RBFOX1: variants seen among roughly 807,000 people sequenced by gnomAD.
The protein encoded by RBFOX1 is RNA binding fox-1 homolog 1, also known as RNA binding protein fox-1 homolog 1.
In RBFOX1, 8 loss-of-function variants were observed where a neutral mutation model predicts 57.7. The ratio of observed to expected loss-of-function variants is 0.14; its 90% CI spans 0.08 to 0.25. The LOEUF (loss-of-function observed/expected upper bound fraction) is 0.25. Ranked by LOEUF, RBFOX1 falls within the 10% of genes least tolerant of loss-of-function variation. The pLI, the probability that RBFOX1 is intolerant of heterozygous loss-of-function variation, is 1.00. For synonymous variants in RBFOX1, 326 were observed against 222.4 expected, an observed-to-expected ratio of 1.47 and a Z score of -4.15; for missense variants, 611 against 548.5, an observed-to-expected ratio of 1.11 and a Z score of -1.14.
chr16:7,458,953 T>C (rs576723359), intron 4 of RBFOX1, among the ~76,000 whole-genome samples: 1 of 152,248 alleles, frequency 6.6e-6, no homozygotes, highest in Non-Finnish European at 1.5e-5. Context: ...TGCTATATCC[T>C]TGCAGTGCCT....
intron 4 of RBFOX1, among the ~76,000 whole-genome samples, chr16:5,883,136 C>G (rs978481587): frequency 6.6e-6 from 1 of 152,080 alleles, no homozygotes; most frequent in African/African-American, 2.4e-5. Context: ...GTTATATTCC[C>G]TCCATTCTTA....
rs1468847778 is a variant in RBFOX1, at chr16:7,358,025, C to T, written c.28-160122C>T. On this transcript the variant is annotated intron_variant, in intron 4 of 15. Transcript: ENST00000550418. ...CCATGTGGGCTAATGACTAGTGCAG[C>T]CTGAGACCTGAGCTCGAACCAGCCT... 2.0e-5 allele frequency among the ~76,000 whole-genome samples: 3 copies of T among 152,192 alleles called. No individual in the cohort carries two copies. In the South Asian group the frequency reaches 6.2e-4, roughly 31 times the overall value.
chr16:6,026,456 T>C (rs1338250225), intron 1 of RBFOX1, among the ~76,000 whole-genome samples: 1 of 152,228 alleles, frequency 6.6e-6, no homozygotes, highest in Non-Finnish European at 1.5e-5. Flanking sequence ...TTCCAAGATT[T>C]TGAACCTGAC....
intron 3 of RBFOX1, among the ~76,000 whole-genome samples, chr16:6,956,705 A>C (rs1278952431): frequency 6.6e-6 from 1 of 152,180 alleles, no homozygotes; most frequent in East Asian, 1.9e-4. Flanking sequence ...TGCTCTGCTT[A>C]ATGCCTTTAG....
In RBFOX1 at chr16:6,700,366, A is replaced by AC. The variant is rs1421573752; in HGVS notation, c.-16+45716_-16+45717insC. On this transcript the variant is annotated intron_variant, in intron 3 of 15. Coordinates refer to ENST00000550418, the MANE Select transcript of RBFOX1 (RefSeq NM_018723.4). Reference sequence around the variant, plus strand: ...ATAGGCAAGGTTAAAACAAAAAAAAAAAGAATTTTGACCAGGTGTCATGTC... The same window carrying AC: ...ATAGGCAAGGTTAAAACAAAAAAAAACAAGAATTTTGACCAGGTGTCATGTC... Among the ~76,000 whole-genome samples, 5 of 106,844 alleles carry AC rather than the reference A, an allele frequency of 4.7e-5. No homozygotes were observed. The East Asian group carries it at 8.7e-4, about 19-fold the overall frequency. 70.1% of individuals were successfully genotyped at this position (106,844 alleles called of 152,430 possible). A position where few individuals can be genotyped will look rare whatever the true frequency, so the allele number is the denominator to read the frequency against.
rs1234159321 is a variant in RBFOX1, at chr16:6,238,127, C to G, written c.-126-78868C>G. ...AAAAAAAAAAGAAAGAAAAGCCTGC[C>G]TTATAGGGTTGTTGGGAATTAGAAA... On this transcript the variant is annotated intron_variant, in intron 1 of 15. Transcript: ENST00000550418. 1.3e-5 allele frequency among the ~76,000 whole-genome samples: 2 copies of G among 151,234 alleles called. 1 individual carries two copies. Among genetic ancestry groups the G allele is most frequent in the Non-Finnish European group, 2.9e-5 (2 of 67,840 alleles).
chr16:5,807,017 C>T (rs191631155), intron 3 of RBFOX1, among the ~76,000 whole-genome samples: 42 of 152,242 alleles, frequency 2.8e-4, no homozygotes, highest in South Asian at 2.3e-3. Context: ...AGCTACCCCC[C>T]GACACCTCCT....
intron 4 of RBFOX1, among the ~76,000 whole-genome samples, chr16:5,994,906 A>C (rs948784303): frequency 2.0e-5 from 3 of 152,206 alleles, no homozygotes; most frequent in Non-Finnish European, 4.4e-5. Context: ...CTTCAGTGTC[A>C]TGAACAGATC....
chr16:7,686,919 A>T (rs1024887390), intron 14 of RBFOX1, among the ~76,000 whole-genome samples: 2 of 152,110 alleles, frequency 1.3e-5, no homozygotes, highest in African/African-American at 2.4e-5. Flanking sequence ...TGAATTTCCA[A>T]AACTCAGATC....
At chr16:7,075,966 G>A (rs2058219254) in intron 4 of RBFOX1, among the ~76,000 whole-genome samples, 2 of 151,462 alleles carry the variant, frequency 1.3e-5, no homozygotes, top group Non-Finnish European at 2.9e-5. Context: ...CTTTGCCACC[G>A]TCCTTGCACT....
intron 2 of RBFOX1, among the ~76,000 whole-genome samples, chr16:6,537,607 T>A (rs927870685): frequency 6.6e-6 from 1 of 152,212 alleles, no homozygotes; most frequent in Non-Finnish European, 1.5e-5. Flanking sequence ...GTACTGCTCA[T>A]GGACTGTTGC....
chr16:6,349,968 G>A (rs1182326196), intron 2 of RBFOX1, among the ~76,000 whole-genome samples: 2 of 152,146 alleles, frequency 1.3e-5, no homozygotes, highest in African/African-American at 4.8e-5. Flanking sequence ...TGGTGAATGT[G>A]CGTGTCTCTC....
intron 3 of RBFOX1, among the ~76,000 whole-genome samples, chr16:5,607,401 G>A (rs1051812977): frequency 6.6e-6 from 1 of 152,142 alleles, no homozygotes; most frequent in African/African-American, 2.4e-5. Context: ...GGCACAGATA[G>A]CGCAGGGTCT....
chr16:6,911,755 C>G (rs891351176), intron 3 of RBFOX1, among the ~76,000 whole-genome samples: 11 of 152,070 alleles, frequency 7.2e-5, no homozygotes, highest in African/African-American at 2.4e-4. Flanking sequence ...CCATGCATAC[C>G]TACAGCAAAT....
At chr16:7,484,400 AC>A (rs1287012003) in intron 4 of RBFOX1, among the ~76,000 whole-genome samples, 1 of 152,144 alleles carries the variant, frequency 6.6e-6, no homozygotes, top group Non-Finnish European at 1.5e-5. Flanking sequence ...ATTCTAGGAT[AC>A]CATTATTGTT....
chr16:6,715,529 C>G (rs889120238), intron 3 of RBFOX1, among the ~76,000 whole-genome samples: 1 of 152,128 alleles, frequency 6.6e-6, no homozygotes. Flanking sequence ...TATTCTCTAA[C>G]GGAACTTTAT....
At chr16:6,996,324 T>TGATA (rs1247035717) in intron 3 of RBFOX1, among the ~76,000 whole-genome samples, 1 of 152,176 alleles carries the variant, frequency 6.6e-6, no homozygotes, top group Non-Finnish European at 1.5e-5. Context: ...TTTTTAAATT[T>TGATA]GATATTCGGA....
chr16:5,949,477 G>C (rs1340361834), intron 4 of RBFOX1, among the ~76,000 whole-genome samples: 2 of 136,056 alleles, frequency 1.5e-5, no homozygotes, highest in African/African-American at 5.5e-5. Flanking sequence ...AGTGAGTCGA[G>C]ATCACGCCAG....
intron 3 of RBFOX1, among the ~76,000 whole-genome samples, chr16:6,858,230 T>G (rs530681116): frequency 6.6e-6 from 1 of 152,242 alleles, no homozygotes; most frequent in Admixed American, 6.5e-5. Context: ...TTGAATGGTT[T>G]TGAGATTTAT....
Sources: gnomAD v4.1 joint callset for allele counts (sites outside exome capture counted in the v4.1 genomes callset) on GRCh38, gnomAD v4.1.1 for gene constraint, MANE v1.5 for transcripts, NCBI Gene and HGNC (gene_info 2026-07-23, HGNC 2026-07-21) for gene names.